Variants in CLCN3 observed in about 807,000 individuals in gnomAD.
CLCN3 encodes H(+)/Cl(-) exchange transporter 3.
In CLCN3, 16 loss-of-function variants were observed where a neutral mutation model predicts 83.4. The observed-to-expected ratio is 0.19, with a 90% CI of 0.13 to 0.29. The LOEUF (loss-of-function observed/expected upper bound fraction) is 0.29. Among genes scored for constraint, CLCN3 ranks in the 10% least tolerant of loss-of-function variants. CLCN3 has a pLI of 1.00. For missense variants in CLCN3, 544 were observed against 1,006.0 expected (o/e 0.54, Z 6.21); for synonymous variants, 322 against 346.2 (o/e 0.93, Z 0.78).
chr4:169,719,949 T>C lies in CLCN3; in HGVS notation c.2409T>C (p.His803=). The change falls in exon 13 of 13, where the codon CAT becomes CAC. Residue 803 remains histidine (H), a synonymous_variant. Transcript: ENST00000513761. The part of the protein sequence containing the change: ...GIITKKDILR[H]MAQTANQDPA... Reference sequence around the variant, plus strand: ...TAACAAAAAAAGATATCCTCCGGCATATGGCCCAGACGGCAAACCAAGACC... The same window carrying C: ...TAACAAAAAAAGATATCCTCCGGCACATGGCCCAGACGGCAAACCAAGACC... The C allele has an allele frequency of 6.2e-7, 1 of 1,613,970 alleles. No homozygotes were observed. The highest frequency in any genetic ancestry group is 2.2e-5 in the East Asian group (1 of 44,876).
At chr4:169,709,555 C>T (rs1733128099) in intron 11 of CLCN3, among the ~76,000 whole-genome samples, 1 of 151,862 alleles carries the variant, frequency 6.6e-6, no homozygotes, top group Non-Finnish European at 1.5e-5. Context: ...TGTGGTGACG[C>T]ATGCCTATAA....
chr4:169,658,565 CAT>C (rs1439835353), intron 2 of CLCN3, among the ~76,000 whole-genome samples: 5 of 151,836 alleles, frequency 3.3e-5, no homozygotes, highest in Admixed American at 6.6e-5. Flanking sequence ...GGTGGTAAAA[CAT>C]ATAAAAGAAC....
intron 8 of CLCN3, 52 bp from the exon 9 acceptor site, chr4:169,697,137 A>G (rs1286641365): frequency 3.8e-6 from 5 of 1,304,092 alleles, no homozygotes; most frequent in Non-Finnish European, 5.2e-6. Flanking sequence ...TATATCAGAA[A>G]CATCTTATAA....
Position 169,697,386 on chromosome 4 carries a change from C to G in CLCN3, c.1215C>G (p.Ala405=). 6.2e-7 allele frequency: 1 copy of G among 1,613,920 alleles called. No homozygotes were observed. The highest frequency in any genetic ancestry group is 8.5e-7 in the Non-Finnish European group (1 of 1,179,988). Residue 405 remains alanine, a synonymous_variant, in exon 9 of 13, where the codon GCC becomes GCG. Coordinates refer to ENST00000513761, the MANE Select transcript of CLCN3 (RefSeq NM_001829.4). ...LLGVFGGLWG[A]FFIRANIAWC... The stretch of plus-strand genomic sequence containing the variant: ...GGGTATTTGGAGGGCTTTGGGGAGC[C>G]TTTTTCATTAGGGCAAATATTGCCT...
intron 2 of CLCN3, among the ~76,000 whole-genome samples, chr4:169,659,177 G>A (rs1469374733): frequency 6.6e-6 from 1 of 152,144 alleles, no homozygotes; most frequent in Non-Finnish European, 1.5e-5. Flanking sequence ...TAGTGACACT[G>A]TGTAACAGGC....
chr4:169,710,023 A>C (rs559419591), intron 11 of CLCN3, among the ~76,000 whole-genome samples: 1 of 152,188 alleles, frequency 6.6e-6, no homozygotes, highest in Non-Finnish European at 1.5e-5. Flanking sequence ...CTGGGACTCT[A>C]GAGTCCAGAG....
At chr4:169,628,204 A>C (rs1487718207) in intron 1 of CLCN3, among the ~76,000 whole-genome samples, 1 of 152,192 alleles carries the variant, frequency 6.6e-6, no homozygotes, top group Non-Finnish European at 1.5e-5. Context: ...TTAAACTATA[A>C]AATTTTAGGA....
intron 7 of CLCN3, among the ~76,000 whole-genome samples, chr4:169,692,881 T>C (rs947713375): frequency 3.3e-5 from 5 of 152,326 alleles, no homozygotes; most frequent in South Asian, 2.1e-4. Context: ...CTTTACCATT[T>C]CTTTAGGCCA....
chr4:169,653,574 G>A (rs1730795494), intron 2 of CLCN3, among the ~76,000 whole-genome samples: 1 of 146,264 alleles, frequency 6.8e-6, no homozygotes, highest in Admixed American at 7.1e-5. Flanking sequence ...CCGGAGGGTG[G>A]AGGTTGCAGT....
chr4:169,659,530 C>A (rs571226049), intron 2 of CLCN3, among the ~76,000 whole-genome samples: 2 of 152,248 alleles, frequency 1.3e-5, no homozygotes, highest in East Asian at 3.9e-4. Context: ...TAGACACATA[C>A]AATAGTAAAG....
intron 2 of CLCN3, among the ~76,000 whole-genome samples, chr4:169,653,232 A>G (rs527545866): frequency 6.6e-6 from 1 of 151,708 alleles, no homozygotes; most frequent in Non-Finnish European, 1.5e-5. Flanking sequence ...TCTGATTTGT[A>G]TATGTGTGTG....
chr4:169,712,366 A>G (rs961981126), intron 11 of CLCN3, among the ~76,000 whole-genome samples: 1 of 151,530 alleles, frequency 6.6e-6, no homozygotes, highest in African/African-American at 2.4e-5. Context: ...AGTTTCATTC[A>G]GATTTTTTTT....
intron 9 of CLCN3, among the ~76,000 whole-genome samples, chr4:169,698,676 A>G (rs952973751): frequency 1.3e-5 from 2 of 152,164 alleles, no homozygotes; most frequent in African/African-American, 4.8e-5. Flanking sequence ...TTAGTTTCCT[A>G]TTGCTGCTGT....
chr4:169,669,832 C>T (rs76530577), intron 2 of CLCN3, among the ~76,000 whole-genome samples: 1,953 of 152,252 alleles, frequency 0.013, 37 homozygotes, highest in African/African-American at 0.044. Context: ...CTTTTTGAAA[C>T]CCAGAAACCC....
At chr4:169,671,560 C>T (rs1374183383) in intron 2 of CLCN3, among the ~76,000 whole-genome samples, 2 of 152,008 alleles carry the variant, frequency 1.3e-5, no homozygotes, top group Admixed American at 1.3e-4. Flanking sequence ...CACATGTGCA[C>T]CTATGTAACA....
At chr4:169,636,772 C>T (rs558123913) in intron 2 of CLCN3, among the ~76,000 whole-genome samples, 1 of 139,750 alleles carries the variant, frequency 7.2e-6, no homozygotes, top group East Asian at 2.1e-4. Context: ...CTATTGCTAA[C>T]AGTGCCACTA....
At chr4:169,711,517 A>C in intron 11 of CLCN3, among the ~76,000 whole-genome samples, 1 of 152,020 alleles carries the variant, frequency 6.6e-6, no homozygotes, top group East Asian at 1.9e-4. Flanking sequence ...GTGCCAGCTA[A>C]TTTTGTATTT....
intron 3 of CLCN3, among the ~76,000 whole-genome samples, chr4:169,684,270 C>A (rs1199792219): frequency 6.6e-6 from 1 of 152,126 alleles, no homozygotes. Context: ...AGAGAGTTTA[C>A]CCCACATCAA....
At chr4:169,676,577 C>T (rs1472968740) in intron 2 of CLCN3, among the ~76,000 whole-genome samples, 2 of 151,730 alleles carry the variant, frequency 1.3e-5, no homozygotes, top group Non-Finnish European at 2.9e-5. Context: ...GACGACCAAC[C>T]TGGGCTCAAG....
Sources: gnomAD v4.1 joint callset for allele counts (sites outside exome capture counted in the v4.1 genomes callset) on GRCh38, gnomAD v4.1.1 for gene constraint, MANE v1.5 for transcripts, NCBI Gene and HGNC (gene_info 2026-07-23, HGNC 2026-07-21) for gene names.